PROX1: variants seen among roughly 807,000 people sequenced by gnomAD.
PROX1 encodes prospero homeobox 1.
In PROX1, 7 loss-of-function variants were observed where a neutral mutation model predicts 58.8. The observed-to-expected ratio is 0.12, with a 90% CI of 0.07 to 0.22. PROX1 has a LOEUF of 0.22. Among genes scored for constraint, PROX1 ranks in the 10% least tolerant of loss-of-function variants. PROX1 has a pLI of 1.00. For missense variants in PROX1, 675 were observed against 927.8 expected (o/e 0.73, Z 3.54); for synonymous variants, 350 against 358.3 (o/e 0.98, Z 0.26).
rs575920984 is a variant in PROX1, at chr1:214,015,329, A to G, written c.2028+3614A>G. 2.2e-4 allele frequency among the ~76,000 whole-genome samples: 33 copies of G among 152,224 alleles called. No homozygotes were observed. The South Asian group carries it at 6.6e-3, about 31-fold the overall frequency. ...TGTATCCTTCATTTCTGCTCCTCAC[A>G]TTTAATGAGATTGGCAACAATAAAT... On this transcript the variant is annotated intron_variant, in intron 4 of 4. Coordinates refer to ENST00000366958, the MANE Select transcript of PROX1 (RefSeq NM_001270616.2).
At chr1:213,983,579 C>A (rs954828817), upstream of PROX1, among the ~76,000 whole-genome samples, 1 of 152,206 alleles carries the variant, frequency 6.6e-6, no homozygotes, top group Non-Finnish European at 1.5e-5. Flanking sequence ...CCCGAGACTG[C>A]CTTTGTACTT....
chr1:214,013,378 C>G (rs946972107), intron 4 of PROX1, among the ~76,000 whole-genome samples: 1 of 152,100 alleles, frequency 6.6e-6, no homozygotes, highest in Non-Finnish European at 1.5e-5. Context: ...TTCTGCTAAG[C>G]CTGTTGCCCT....
At chr1:214,031,217 A>G (rs1285543100) in intron 4 of PROX1, among the ~76,000 whole-genome samples, 1 of 152,200 alleles carries the variant, frequency 6.6e-6, no homozygotes, top group African/African-American at 2.4e-5. Context: ...TGAAATTGGT[A>G]GAAGCTGATA....
intron 4 of PROX1, among the ~76,000 whole-genome samples, chr1:214,023,256 A>C (rs1003383175): frequency 7.2e-5 from 11 of 152,178 alleles, no homozygotes; most frequent in African/African-American, 2.7e-4. Context: ...TGCAGGCCTC[A>C]ACACAGACTA....
intron 4 of PROX1, among the ~76,000 whole-genome samples, chr1:214,033,696 C>G (rs957279964): frequency 6.6e-6 from 1 of 152,228 alleles, no homozygotes. Context: ...CTCCGCTTCA[C>G]TGTTCTCCAG....
chr1:213,991,837 T>C (rs1183135842), intron 1 of PROX1, among the ~76,000 whole-genome samples: 1 of 152,224 alleles, frequency 6.6e-6, no homozygotes, highest in African/African-American at 2.4e-5. Flanking sequence ...TAAGAAGTTT[T>C]AGGTTTCAGA....
In PROX1 at chr1:213,997,167, A is replaced by G. The variant is rs757220414; in HGVS notation, c.632A>G (p.Gln211Arg). 1 of 1,613,542 alleles carries G rather than the reference A, an allele frequency of 6.2e-7. No individual in the cohort carries two copies. The highest frequency in any genetic ancestry group is 8.5e-7 in the Non-Finnish European group (1 of 1,179,870). ...AGTTACAGAGAAAACAAACGCAAGCAAAAGCTTCCCCAGCAGCAGCAACAG... is the reference window on the plus strand; with the variant it reads ...AGTTACAGAGAAAACAAACGCAAGCGAAAGCTTCCCCAGCAGCAGCAACAG... ...RESYRENKRK[Q>R]KLPQQQQQSF... Residue 211 changes from glutamine (Q) to arginine (R), a missense_variant, in exon 2 of 5, where the codon CAA becomes CGA. Physicochemically the swap from Gln to Arg is conservative, Grantham distance 43. Around this residue, in one of 8 missense-constraint regions of PROX1, gnomAD observed 403 missense variants for 477.4 expected, o/e 0.84. Coordinates refer to ENST00000366958, the MANE Select transcript of PROX1 (RefSeq NM_001270616.2). This position sits in a 1 kb window ranked among gnomAD's most constrained non-coding sequence, Gnocchi z 7.1.
At chr1:214,002,796 C>T (rs1180005258) in intron 2 of PROX1, among the ~76,000 whole-genome samples, 1 of 152,104 alleles carries the variant, frequency 6.6e-6, no homozygotes, top group African/African-American at 2.4e-5. Context: ...GGGAAATTAA[C>T]CAATTGGTCA....
Position 214,037,174 on chromosome 1 carries a change from A to G in PROX1, c.*1340A>G, listed in dbSNP as rs1411559142. 7 of 152,272 alleles carry G rather than the reference A, an allele frequency of 4.6e-5. No homozygotes were observed. Among genetic ancestry groups the G allele is most frequent in the Middle Eastern group, 3.4e-3 (1 of 294 alleles). The allele number at this position is 152,272 out of a possible 1,614,324, so 9.4% of individuals were successfully genotyped here. ...CCCTTTTATTTTTCCCTGTTTTTCA[A>G]TGATGTACAGTGTTCCCTACTTGCA... On this transcript the variant is annotated 3_prime_UTR_variant, in exon 5 of 5. Coordinates refer to ENST00000366958, the MANE Select transcript of PROX1 (RefSeq NM_001270616.2).
At chr1:214,017,566 T>A in intron 4 of PROX1, among the ~76,000 whole-genome samples, 1 of 148,348 alleles carries the variant, frequency 6.7e-6, no homozygotes, top group Non-Finnish European at 1.5e-5. Context: ...TTTTCTCTCT[T>A]TAAAAAAAAA....
intron 4 of PROX1, among the ~76,000 whole-genome samples, chr1:214,017,014 T>TAAAG (rs1328209621): frequency 1.3e-5 from 2 of 152,230 alleles, no homozygotes; most frequent in African/African-American, 4.8e-5. Context: ...TCAACATTCT[T>TAAAG]AAAGAAAAAG....
At chr1:214,007,323 T>C (rs1424665896) in intron 3 of PROX1, among the ~76,000 whole-genome samples, 5 of 152,184 alleles carry the variant, frequency 3.3e-5, no homozygotes, top group African/African-American at 7.2e-5. Flanking sequence ...GCTGTTAAAG[T>C]ATATGTGAGT....
intron 3 of PROX1, among the ~76,000 whole-genome samples, chr1:214,006,770 C>CAT (rs1403425359): frequency 6.6e-6 from 1 of 152,052 alleles, no homozygotes; most frequent in Non-Finnish European, 1.5e-5. Flanking sequence ...ATTGTGTGCA[C>CAT]ATATGTGTGT....
intron 4 of PROX1, chr1:214,031,034 C>CGT (rs34640999): frequency 0.041 from 5,954 of 145,568 alleles, 109 homozygotes; most frequent in Non-Finnish European, 0.045. Flanking sequence ...CCCAACACAC[C>CGT]GTGTGTGTGT....
chr1:214,034,473 A>G (rs1215193540), intron 4 of PROX1, among the ~76,000 whole-genome samples: 1 of 152,342 alleles, frequency 6.6e-6, no homozygotes, highest in African/African-American at 2.4e-5. Context: ...GTGTATAAGT[A>G]CCCCACTAAA....
At chr1:214,034,769 T>C (rs1421832553) in intron 4 of PROX1, among the ~76,000 whole-genome samples, 1 of 152,162 alleles carries the variant, frequency 6.6e-6, no homozygotes, top group African/African-American at 2.4e-5. Flanking sequence ...TGGGGAATGT[T>C]TATTTTGGAT....
chr1:214,004,024 T>C (rs1663620592), intron 2 of PROX1, among the ~76,000 whole-genome samples: 1 of 152,236 alleles, frequency 6.6e-6, no homozygotes, highest in Non-Finnish European at 1.5e-5. Context: ...CTTTTTTTTC[T>C]TATTTTTCTT....
chr1:214,018,902 T>C (rs1664188748), intron 4 of PROX1, among the ~76,000 whole-genome samples: 1 of 151,684 alleles, frequency 6.6e-6, no homozygotes, highest in Admixed American at 6.6e-5. Context: ...AAAAAGGGGG[T>C]CATAAAAAAT....
At chr1:213,995,529 CT>C (rs887080455) in intron 1 of PROX1, among the ~76,000 whole-genome samples, 5 of 150,454 alleles carry the variant, frequency 3.3e-5, no homozygotes, top group African/African-American at 1.2e-4. Context: ...TAAAGAGTTT[CT>C]TTGGGCATTG....
Sources: gnomAD v4.1 joint callset for allele counts (sites outside exome capture counted in the v4.1 genomes callset) on GRCh38, gnomAD v4.1.1 for gene constraint, gnomAD v4.1.1 regional missense constraint, Gnocchi (gnomAD v3.1) non-coding constraint, MANE v1.5 for transcripts, NCBI Gene and HGNC (gene_info 2026-07-23, HGNC 2026-07-21) for gene names.